ASMTL: variants seen among roughly 807,000 people sequenced by gnomAD.
ASMTL encodes acetylserotonin O-methyltransferase like.
Under a neutral mutation model 60.3 loss-of-function variants are expected in ASMTL, and 57 were observed. The ratio of observed to expected loss-of-function variants is 0.95; its 90% confidence interval spans 0.76 to 1.18. The LOEUF (loss-of-function observed/expected upper bound fraction) is 1.18, where lower values mean the gene tolerates loss of function less well. ASMTL is among the 50% of genes most tolerant of loss of function. The pLI is 0.00. For synonymous variants in ASMTL, 419 were observed against 373.0 expected (o/e 1.12, Z -1.42); for missense variants, 981 against 852.6 (o/e 1.15, Z -1.88).
chrX:1,452,516 A>C (rs1285163406), intron 1 of ASMTL, among the ~76,000 whole-genome samples: 48 of 80,512 alleles, frequency 6.0e-4, no homozygotes, highest in African/African-American at 6.9e-4. Context: ...GTCACTCCCC[A>C]CCCCCATGCC....
intron 12 of ASMTL, among the ~76,000 whole-genome samples, chrX:1,411,299 G>A (rs1356519711): frequency 2.0e-5 from 3 of 152,222 alleles, no homozygotes; most frequent in Non-Finnish European, 4.4e-5. Context: ...GTTTCAACGC[G>A]CAGGTGCCAG....
intron 12 of ASMTL, among the ~76,000 whole-genome samples, chrX:1,407,061 GATGC>G (rs1229009466): frequency 6.7e-6 from 1 of 149,518 alleles, no homozygotes; most frequent in African/African-American, 2.5e-5. Context: ...TGGATGGATG[GATGC>G]ATGCATGGAT....
chrX:1,417,796 C>T (rs1336305716), intron 11 of ASMTL, 177 bp downstream of exon 11: 4 of 243,018 alleles, frequency 1.6e-5, no homozygotes, highest in Non-Finnish European at 2.2e-5. Flanking sequence ...ATACCACACA[C>T]ATGCACACAG....
chrX:1,416,658 A>T (rs1281610187), intron 11 of ASMTL, among the ~76,000 whole-genome samples: 13 of 151,866 alleles, frequency 8.6e-5, no homozygotes, highest in African/African-American at 3.1e-4. Flanking sequence ...CACACACCAC[A>T]GAGAGTTGCA....
In ASMTL at chrX:1,423,016, G is replaced by A. The variant is rs181125197; in HGVS notation, c.1061-1174C>T. Among the ~76,000 whole-genome samples, 108 of 152,116 alleles carry A rather than the reference G, an allele frequency of 7.1e-4. 1 individual carries two copies. Among genetic ancestry groups the A allele is most frequent in the African/African-American group, 2.5e-3 (104 of 41,492 alleles). ...CCCCCAGGCTGGAGTGCAGTGGCAC[G>A]ATCTCAGCTCACTGCAAGCTCCGTC... is the stretch of plus-strand genomic sequence containing the variant. On this transcript the variant is annotated intron_variant, in intron 8 of 12. Coordinates refer to ENST00000381317, the MANE Select transcript of ASMTL (RefSeq NM_004192.4).
chrX:1,418,903 G>C (rs1225107971), intron 10 of ASMTL, 79 bp downstream of exon 10: 129 of 1,561,924 alleles, frequency 8.3e-5, no homozygotes, highest in Admixed American at 2.5e-4. Context: ...AAAGGCAGTT[G>C]GTAGGTGTCC....
intron 12 of ASMTL, among the ~76,000 whole-genome samples, chrX:1,410,957 G>C (rs757843823): frequency 9.2e-5 from 14 of 152,076 alleles, no homozygotes; most frequent in African/African-American, 3.1e-4. Flanking sequence ...AGTCCCAGCT[G>C]GGTGGATCAC....
chrX:1,431,342 TAA>T (rs1432090146), intron 6 of ASMTL, among the ~76,000 whole-genome samples: 3 of 132,216 alleles, frequency 2.3e-5, no homozygotes, highest in East Asian at 2.1e-4. Flanking sequence ...TAAATAATTA[TAA>T]ATATAAATTA....
intron 8 of ASMTL, 26 bp from the exon 9 acceptor site, chrX:1,421,868 A>G: frequency 1.9e-6 from 3 of 1,611,738 alleles, no homozygotes; most frequent in African/African-American, 1.3e-5. Context: ...CAGTCGTGTG[A>G]CCTCCTAACG....
intron 6 of ASMTL, 196 bp downstream of exon 6, chrX:1,432,072 GT>G: frequency 1.7e-6 from 1 of 604,678 alleles, no homozygotes; most frequent in African/African-American, 1.9e-5. Context: ...TGTCCTGGGA[GT>G]TTGCCTCTTT....
chrX:1,403,521 G>A (rs745929654), intron 12 of ASMTL, 32 bp from the exon 13 acceptor site: 5 of 1,598,944 alleles, frequency 3.1e-6, no homozygotes, highest in Non-Finnish European at 4.3e-6. Flanking sequence ...TGGAGTCCTG[G>A]CCAGCCAGGC....
intron 8 of ASMTL, among the ~76,000 whole-genome samples, chrX:1,423,054 G>A (rs2090522063): frequency 6.6e-6 from 1 of 152,120 alleles, no homozygotes; most frequent in Non-Finnish European, 1.5e-5. Context: ...CTGGGTTCAT[G>A]CCATTGTCCT....
At chrX:1,452,266 C>CT (rs1345240099) in intron 1 of ASMTL, among the ~76,000 whole-genome samples, 6 of 140,168 alleles carry the variant, frequency 4.3e-5, no homozygotes, top group South Asian at 2.3e-4. Flanking sequence ...CCGGGTTACT[C>CT]CCCCACCCCC....
rs1451361461 is a variant in ASMTL at position 1,412,754 on chromosome X, C to T, written c.1623G>A (p.Arg541=). ...PDDKVHKLLS[R]VAESCKPGAG... is the part of the protein sequence containing the mutation. The stretch of plus-strand genomic sequence containing the variant: ...CACCTGGCTTGCAGCTCTCGGCGAC[C>T]CTGCTGAGTAACTTGTGGACTTTGT... Residue 541 remains arginine (R), a synonymous_variant, in exon 12 of 13, where the codon AGG becomes AGA. Coordinates refer to ENST00000381317, the MANE Select transcript of ASMTL (RefSeq NM_004192.4). 1.2e-6 allele frequency: 2 copies of T among 1,613,966 alleles called. No homozygotes were observed. The highest frequency in any genetic ancestry group is 1.1e-5 in the South Asian group (1 of 91,078).
Position 1,452,748 on chromosome X carries a change from C to A in ASMTL, c.93G>T (p.Ala31=). 8 of 1,589,352 alleles carry A rather than the reference C, an allele frequency of 5.0e-6. No individual in the cohort carries two copies. Among genetic ancestry groups the A allele is most frequent in the African/African-American group, 1.3e-5 (1 of 74,582 alleles). Residue 31 remains alanine (A), a splice_region_variant and synonymous_variant, in exon 1 of 13, where the codon GCG becomes GCT. Transcript: ENST00000381317. ...TGCCCCGCCCAGGCCCAGGCCGTAC[C>A]GCGTTGCTGAGGATCTCCTGACGGC... The part of the protein sequence containing the change: ...SPRRQEILSN[A]GLRFEVVPSK...
chrX:1,443,130 C>T (rs2091145638), intron 1 of ASMTL, among the ~76,000 whole-genome samples: 1 of 151,606 alleles, frequency 6.6e-6, no homozygotes, highest in Non-Finnish European at 1.5e-5. Flanking sequence ...ACACCGCCGT[C>T]GTGGACACAC....
intron 1 of ASMTL, 55 bp downstream of exon 1, chrX:1,452,693 C>T: frequency 1.4e-6 from 2 of 1,459,688 alleles, no homozygotes; most frequent in Non-Finnish European, 9.3e-7. Flanking sequence ...CTGGGCCCTC[C>T]GGGGTTCAGC....
In ASMTL at chrX:1,441,803, G is replaced by A. The variant is rs143956057; in HGVS notation, c.225+383C>T. ...CATCAATGATACTATGATATCAATT[G>A]CAAGAGGATATTATAACACATAGTA... On this transcript the variant is annotated intron_variant, in intron 2 of 12. Transcript: ENST00000381317. 1.0e-3 allele frequency: 188 copies of A among 185,768 alleles called. 1 individual carries two copies. Among genetic ancestry groups the A allele is most frequent in the African/African-American group, 4.4e-3 (186 of 42,514 alleles). The allele number at this position is 185,768 out of a possible 1,614,324, so 11.5% of individuals were successfully genotyped here.
rs532338066 is a variant in ASMTL at position 1,425,820 on chromosome X, C to T, written c.898-133G>A. On this transcript the variant is annotated intron_variant, in intron 7 of 12. Transcript: ENST00000381317. ...CCATTGAGCCTTCTTTCACAGAGAA[C>T]GGTGGGGATTTATAGGATCAAGTCC... 141 of 845,740 alleles carry T rather than the reference C, an allele frequency of 1.7e-4. 2 individuals carry two copies. In the South Asian group the frequency reaches 1.7e-3, roughly 10 times the overall value. The allele number at this position is 845,740 out of a possible 1,614,324, so 52.4% of individuals were successfully genotyped here.
Sources: gnomAD v4.1 joint callset for allele counts (sites outside exome capture counted in the v4.1 genomes callset) on GRCh38, gnomAD v4.1.1 for gene constraint, MANE v1.5 for transcripts, NCBI Gene and HGNC (gene_info 2026-07-23, HGNC 2026-07-21) for gene names.